EIF3F: variants seen among roughly 807,000 people sequenced by gnomAD.
The protein encoded by EIF3F is eukaryotic translation initiation factor 3 subunit F.
EIF3F carries 8 observed loss-of-function variants against 36.0 expected under a neutral mutation model. The observed-to-expected ratio is 0.22, with a 90% CI of 0.13 to 0.40. EIF3F has a LOEUF of 0.40. Ranked by LOEUF, EIF3F falls within the 10% of genes least tolerant of loss-of-function variation. The pLI, the probability that EIF3F is intolerant of heterozygous loss-of-function variation, is 1.00. For synonymous variants in EIF3F, 184 were observed against 188.5 expected, an observed-to-expected ratio of 0.98 and a Z score of 0.19; for missense variants, 430 against 467.6, an observed-to-expected ratio of 0.92 and a Z score of 0.74.
rs541458180 is a variant in EIF3F at position 8,000,300 on chromosome 11, G to A, written c.*4278G>A. 1 of 152,198 alleles carries A rather than the reference G, an allele frequency of 6.6e-6. No individual in the cohort carries two copies. The highest frequency in any genetic ancestry group is 1.9e-4 in the East Asian group (1 of 5,178). 9.4% of individuals were successfully genotyped at this position (152,198 alleles called of 1,614,324 possible). On this transcript the variant is annotated 3_prime_UTR_variant, in exon 8 of 8. Coordinates refer to ENST00000651655, the MANE Select transcript of EIF3F (RefSeq NM_003754.3). Reference sequence around the variant, plus strand: ...TACAACAACATGGATGGACCTGGAGGACACTATGCTAGTGAAATAAGCCAT... The same window carrying A: ...TACAACAACATGGATGGACCTGGAGAACACTATGCTAGTGAAATAAGCCAT...
chr11:7,995,874 C>G, intron 7 of EIF3F, 71 bp from the exon 8 acceptor site: 2 of 1,281,254 alleles, frequency 1.6e-6, no homozygotes, highest in Non-Finnish European at 2.3e-6. Flanking sequence ...TACCATAGAG[C>G]TGGCCAAAGC....
intron 1 of EIF3F, among the ~76,000 whole-genome samples, chr11:7,991,207 GAAAA>G (rs977082351): frequency 6.6e-6 from 1 of 151,072 alleles, no homozygotes; most frequent in Admixed American, 6.6e-5. Context: ...AAAAAAAAAA[GAAAA>G]AAAGAAATAT....
chr11:7,995,442 A>T (rs527616377), intron 7 of EIF3F, 75 bp downstream of exon 7: 2 of 1,249,966 alleles, frequency 1.6e-6, no homozygotes, highest in Admixed American at 1.7e-5. Flanking sequence ...ATGTGAAAAG[A>T]GTTGGGTGAG....
chr11:7,990,739 A>G (rs1383915327), intron 1 of EIF3F, among the ~76,000 whole-genome samples: 2 of 152,172 alleles, frequency 1.3e-5, no homozygotes, highest in Non-Finnish European at 2.9e-5. Flanking sequence ...ACTGGTAGAT[A>G]TAGACAACAC....
rs1277440438 is a variant in EIF3F, at chr11:7,997,860, TACAG to T, written c.*1842_*1845del. The T allele has an allele frequency of 1.3e-5, 2 of 152,220 alleles. No individual in the cohort carries two copies. Among genetic ancestry groups the T allele is most frequent in the Non-Finnish European group, 2.9e-5 (2 of 68,030 alleles). 9.4% of individuals were successfully genotyped at this position (152,220 alleles called of 1,614,324 possible). A position where few individuals can be genotyped will look rare whatever the true frequency, so the allele number is the denominator to read the frequency against. The stretch of plus-strand genomic sequence containing the variant: ...GAAAATTGTGTCTGGACTAAACCTG[TACAG>T]ACATTTTTCCTTGTCATTTTTCCCT... On this transcript the variant is annotated 3_prime_UTR_variant, in exon 8 of 8. Transcript: ENST00000651655.
chr11:7,989,750 A>G (rs1180442233), intron 1 of EIF3F, among the ~76,000 whole-genome samples: 1 of 152,242 alleles, frequency 6.6e-6, no homozygotes, highest in African/African-American at 2.4e-5. Flanking sequence ...AAAAGTTCAC[A>G]AAAAAGATGA....
chr11:8,000,558 G>A lies in EIF3F; in HGVS notation c.*4536G>A, dbSNP rs1942209559. 1 of 152,158 alleles carries A rather than the reference G, an allele frequency of 6.6e-6. No homozygotes were observed. Among genetic ancestry groups the A allele is most frequent in the Non-Finnish European group, 1.5e-5 (1 of 68,024 alleles). 9.4% of individuals were successfully genotyped at this position (152,158 alleles called of 1,614,324 possible). A position where few individuals can be genotyped will look rare whatever the true frequency, so the allele number is the denominator to read the frequency against. ...ACCAGGAGAAATGAATATGTGAGGT[G>A]ATGGATGTAACTAGCTTGATTGTGG... On this transcript the variant is annotated 3_prime_UTR_variant, in exon 8 of 8. Transcript: ENST00000651655.
rs371582679 is a variant in EIF3F, at chr11:7,987,728, G to T, written c.364+12G>T. On this transcript the variant is annotated intron_variant, in intron 1 of 7. Transcript: ENST00000651655. ...CGGGACCCTGTTGGGTGAGTGGTCA[G>T]AGAAAGTTAACATTCTTTTCTTCCT... 66 of 1,500,068 alleles carry T rather than the reference G, an allele frequency of 4.4e-5. No individual in the cohort carries two copies. The highest frequency in any genetic ancestry group is 1.0e-4 in the African/African-American group (7 of 69,282). 92.9% of individuals were successfully genotyped at this position (1,500,068 alleles called of 1,614,324 possible).
Position 7,987,847 on chromosome 11 carries a change from T to C in EIF3F, c.364+131T>C, listed in dbSNP as rs372640679. ...CCTCCCATCCCCAATGACCTCTTAA[T>C]CTATATCTGCATCCTACCTTTTGCT... On this transcript the variant is annotated intron_variant, in intron 1 of 7. Coordinates refer to ENST00000651655, the MANE Select transcript of EIF3F (RefSeq NM_003754.3). 9.3e-6 allele frequency: 12 copies of C among 1,292,408 alleles called. No individual in the cohort carries two copies. In the East Asian group the frequency reaches 1.2e-4, roughly 13 times the overall value. The allele number at this position is 1,292,408 out of a possible 1,614,324, so 80.1% of individuals were successfully genotyped here. A position where few individuals can be genotyped will look rare whatever the true frequency, so the allele number is the denominator to read the frequency against.
chr11:7,991,614 C>G (rs946135031), intron 1 of EIF3F, among the ~76,000 whole-genome samples, 167 bp from the exon 2 acceptor site: 1 of 152,118 alleles, frequency 6.6e-6, no homozygotes, highest in Non-Finnish European at 1.5e-5. Context: ...GTTTCAGTTC[C>G]CTGGAGAATT....
At chr11:7,991,005 G>A (rs1368954004) in intron 1 of EIF3F, among the ~76,000 whole-genome samples, 1 of 151,948 alleles carries the variant, frequency 6.6e-6, no homozygotes, top group East Asian at 1.9e-4. Flanking sequence ...GACCAGCCTG[G>A]CCAACATGGT....
chr11:7,988,149 C>T (rs745728989), intron 1 of EIF3F, among the ~76,000 whole-genome samples: 8 of 152,206 alleles, frequency 5.3e-5, no homozygotes, highest in Non-Finnish European at 8.8e-5. Context: ...CCCTTATCCA[C>T]TGACTAAATG....
At position 7,997,040 on chromosome 11, in the gene EIF3F, T is replaced by A. The variant is rs987093032; in HGVS notation, c.*1018T>A. 6.6e-6 allele frequency: 1 copy of A among 152,198 alleles called. No individual in the cohort carries two copies. Among genetic ancestry groups the A allele is most frequent in the Non-Finnish European group, 1.5e-5 (1 of 68,026 alleles). 9.4% of individuals were successfully genotyped at this position (152,198 alleles called of 1,614,324 possible). A position where few individuals can be genotyped will look rare whatever the true frequency, so the allele number is the denominator to read the frequency against. ...AAGCACAGATAAGTGGTAGATACTATGATGCCTAAAGGTGAATAGTTTGAA... is the reference window on the plus strand; with the variant it reads ...AAGCACAGATAAGTGGTAGATACTAAGATGCCTAAAGGTGAATAGTTTGAA... On this transcript the variant is annotated 3_prime_UTR_variant, in exon 8 of 8. Transcript: ENST00000651655.
At chr11:7,992,859 G>T in intron 3 of EIF3F, 28 bp from the exon 4 acceptor site, 1 of 1,613,370 alleles carries the variant, frequency 6.2e-7, no homozygotes, top group Non-Finnish European at 8.5e-7. Flanking sequence ...ATATAGACAG[G>T]AGTCCACCAC....
chr11:7,988,284 T>C (rs1471219593), intron 1 of EIF3F, among the ~76,000 whole-genome samples: 1 of 152,254 alleles, frequency 6.6e-6, no homozygotes, highest in Non-Finnish European at 1.5e-5. Context: ...GATTTTATAG[T>C]GTTCTGCTGT....
chr11:7,993,912 G>T (rs11041702), intron 4 of EIF3F, among the ~76,000 whole-genome samples: 29,966 of 151,806 alleles, frequency 0.2, 3,311 homozygotes, highest in African/African-American at 0.3. Flanking sequence ...TGTAGATAGA[G>T]AAAGATATAT....
rs891801937 is a variant in EIF3F at position 7,998,750 on chromosome 11, A to C, written c.*2728A>C. On this transcript the variant is annotated 3_prime_UTR_variant, in exon 8 of 8. Coordinates refer to ENST00000651655, the MANE Select transcript of EIF3F (RefSeq NM_003754.3). ...CAAAAGAATGATAAAAATTCCCAAT[A>C]ATGTTTACTTTGGTGGTGAGAAGAG... The C allele has an allele frequency of 2.0e-5, 3 of 152,210 alleles. No individual in the cohort carries two copies. The highest frequency in any genetic ancestry group is 2.0e-4 in the Admixed American group (3 of 15,274). The allele number at this position is 152,210 out of a possible 1,614,324, so 9.4% of individuals were successfully genotyped here.
rs1379716728 is a variant in EIF3F at position 7,997,865 on chromosome 11, ACATTTTTCCTTGT to A, written c.*1853_*1865del. Reference sequence around the variant, plus strand: ...TTGTGTCTGGACTAAACCTGTACAGACATTTTTCCTTGTCATTTTTCCCTAAACAATACAAAGT... The same window carrying A: ...TTGTGTCTGGACTAAACCTGTACAGACATTTTTCCCTAAACAATACAAAGT... On this transcript the variant is annotated 3_prime_UTR_variant, in exon 8 of 8. Coordinates refer to ENST00000651655, the MANE Select transcript of EIF3F (RefSeq NM_003754.3). The A allele has an allele frequency of 6.6e-6, 1 of 152,216 alleles. No individual in the cohort carries two copies. The highest frequency in any genetic ancestry group is 1.5e-5 in the Non-Finnish European group (1 of 68,028). 9.4% of individuals were successfully genotyped at this position (152,216 alleles called of 1,614,324 possible). A position where few individuals can be genotyped will look rare whatever the true frequency, so the allele number is the denominator to read the frequency against.
intron 7 of EIF3F, 173 bp from the exon 8 acceptor site, chr11:7,995,772 T>A: frequency 1.5e-6 from 1 of 684,260 alleles, no homozygotes; most frequent in Non-Finnish European, 2.6e-6. Flanking sequence ...GAAAGCCTTC[T>A]CAAGCATTTC....
Sources: gnomAD v4.1 joint callset for allele counts (sites outside exome capture counted in the v4.1 genomes callset) on GRCh38, gnomAD v4.1.1 for gene constraint, MANE v1.5 for transcripts, NCBI Gene and HGNC (gene_info 2026-07-23, HGNC 2026-07-21) for gene names.